DENND1A: variants seen among roughly 807,000 people sequenced by gnomAD.
The protein encoded by DENND1A is DENN domain containing 1A.
In DENND1A, 51 loss-of-function variants were observed where a neutral mutation model predicts 113.7. That is an observed-to-expected ratio of 0.45 (90% CI 0.36 to 0.57). The LOEUF (loss-of-function observed/expected upper bound fraction) is 0.57. Among genes scored for constraint, DENND1A ranks in the 20% least tolerant of loss-of-function variants. The pLI, the probability that DENND1A is intolerant of heterozygous loss-of-function variation, is 0.00. For missense variants in DENND1A, 1,258 were observed against 1,395.9 expected, an observed-to-expected ratio of 0.90 and a Z score of 1.57; for synonymous variants, 565 against 570.8, an observed-to-expected ratio of 0.99 and a Z score of 0.14.
chr9:123,560,488 AC>A (rs902360997), intron 12 of DENND1A, among the ~76,000 whole-genome samples: 1 of 152,054 alleles, frequency 6.6e-6, no homozygotes, highest in Admixed American at 6.5e-5. Flanking sequence ...GGAGTTCAAA[AC>A]CAGCCTGGGC....
At chr9:123,849,429 TG>T (rs1488115624) in intron 2 of DENND1A, among the ~76,000 whole-genome samples, 1 of 152,224 alleles carries the variant, frequency 6.6e-6, no homozygotes, top group African/African-American at 2.4e-5. Context: ...TTCTGGTTTT[TG>T]CCATTGAGTA....
At chr9:123,623,687 T>C (rs2061061425) in intron 10 of DENND1A, among the ~76,000 whole-genome samples, 1 of 152,262 alleles carries the variant, frequency 6.6e-6, no homozygotes, top group Non-Finnish European at 1.5e-5. Flanking sequence ...TATTTGTGAA[T>C]GCGCAATTGG....
intron 2 of DENND1A, among the ~76,000 whole-genome samples, chr9:123,826,326 C>A (rs1331823788): frequency 6.6e-6 from 1 of 152,104 alleles, no homozygotes; most frequent in Non-Finnish European, 1.5e-5. Flanking sequence ...TTGCTTGAGC[C>A]TGGGAGGTGG....
rs1429574320 is a variant in DENND1A at position 123,472,558 on chromosome 9, G to A, written c.994-14661C>T. Among the ~76,000 whole-genome samples the A allele has an allele frequency of 2.0e-5, 3 of 151,964 alleles. No homozygotes were observed. The East Asian group carries it at 5.8e-4, about 29-fold the overall frequency. On this transcript the variant is annotated intron_variant, in intron 13 of 23. Transcript: ENST00000394215. ...CAGCATGTCCGGTACACCCCGCCCAGCCCTGAACAGTGCCTCGAGTGTCCA... is the reference window on the plus strand; with the variant it reads ...CAGCATGTCCGGTACACCCCGCCCAACCCTGAACAGTGCCTCGAGTGTCCA...
chr9:123,679,619 T>C (rs2064312032), intron 5 of DENND1A, among the ~76,000 whole-genome samples: 1 of 152,202 alleles, frequency 6.6e-6, no homozygotes, highest in Non-Finnish European at 1.5e-5. Context: ...CCCAGCTGTC[T>C]TCTTCTTCAA....
At chr9:123,901,598 T>C (rs1323096883) in intron 1 of DENND1A, among the ~76,000 whole-genome samples, 1 of 152,218 alleles carries the variant, frequency 6.6e-6, no homozygotes, top group Non-Finnish European at 1.5e-5. Context: ...TTTTTAATCC[T>C]AGTTCTGCCA....
intron 10 of DENND1A, among the ~76,000 whole-genome samples, chr9:123,614,759 C>A (rs556928365): frequency 4.6e-5 from 7 of 152,190 alleles, no homozygotes; most frequent in Admixed American, 3.9e-4. Context: ...TAGGTATCCA[C>A]GTTACAATAT....
intron 5 of DENND1A, among the ~76,000 whole-genome samples, chr9:123,744,244 A>T (rs1319847132): frequency 6.6e-6 from 1 of 152,228 alleles, no homozygotes; most frequent in Non-Finnish European, 1.5e-5. Flanking sequence ...CATACTTTTT[A>T]CAAAATGGAG....
At chr9:123,635,565 A>G (rs1396657322) in intron 9 of DENND1A, among the ~76,000 whole-genome samples, 1 of 152,242 alleles carries the variant, frequency 6.6e-6, no homozygotes, top group Admixed American at 6.5e-5. Flanking sequence ...AATGACACAG[A>G]TATGCATTTG....
At chr9:123,533,671 G>C (rs1362884485) in intron 13 of DENND1A, among the ~76,000 whole-genome samples, 4 of 152,194 alleles carry the variant, frequency 2.6e-5, no homozygotes, top group African/African-American at 9.7e-5. Context: ...ACTACAGAGG[G>C]GGACCCATTG....
At chr9:123,682,442 A>C (rs1589650658) in intron 5 of DENND1A, among the ~76,000 whole-genome samples, 1 of 152,178 alleles carries the variant, frequency 6.6e-6, no homozygotes, top group African/African-American at 2.4e-5. Flanking sequence ...TCCATGTTGA[A>C]TACCTGAGGA....
chr9:123,457,484 G>A, intron 14 of DENND1A, 49 bp from the exon 15 acceptor site: 1 of 1,481,546 alleles, frequency 6.7e-7, no homozygotes, highest in African/African-American at 1.4e-5. Context: ...AAGAAAAGGG[G>A]GAAAAACCAT....
chr9:123,868,825 G>A (rs905880098), intron 2 of DENND1A, among the ~76,000 whole-genome samples: 1 of 152,164 alleles, frequency 6.6e-6, no homozygotes, highest in Non-Finnish European at 1.5e-5. Context: ...ATTAAGAAAA[G>A]AAAATATATG....
intron 1 of DENND1A, among the ~76,000 whole-genome samples, chr9:123,910,013 C>G (rs1479448836): frequency 1.3e-5 from 2 of 151,736 alleles, no homozygotes. Flanking sequence ...CTACAAAATG[C>G]TGCTGAAAAA....
intron 1 of DENND1A, among the ~76,000 whole-genome samples, chr9:123,899,698 C>A (rs962674726): frequency 1.9e-4 from 29 of 152,310 alleles, no homozygotes; most frequent in African/African-American, 6.7e-4. Flanking sequence ...TTGAGTACCA[C>A]TGAACTAATA....
At chr9:123,500,546 T>C (rs1362615700) in intron 13 of DENND1A, among the ~76,000 whole-genome samples, 1 of 152,238 alleles carries the variant, frequency 6.6e-6, no homozygotes, top group African/African-American at 2.4e-5. Flanking sequence ...ACATAACACC[T>C]GTGAAGCCTA....
chr9:123,794,207 G>T (rs747860166), intron 2 of DENND1A, among the ~76,000 whole-genome samples: 7 of 152,146 alleles, frequency 4.6e-5, no homozygotes, highest in Non-Finnish European at 1.0e-4. Flanking sequence ...AGAAGAATTC[G>T]CCAGCAGGAG....
At position 123,703,683 on chromosome 9, in the gene DENND1A, G is replaced by A. The variant is rs144499801; in HGVS notation, c.303-26894C>T. Among the ~76,000 whole-genome samples the A allele has an allele frequency of 4.2e-3, 634 of 152,114 alleles. 2 individuals are homozygous for A. The highest frequency in any genetic ancestry group is 9.1e-3 in the Admixed American group (139 of 15,274). ...CTTGAATGAATCTCAAAAATGCTAC[G>A]CTGAGCAAAAGAAGCTAGACACAAA... On this transcript the variant is annotated intron_variant, in intron 5 of 23. Coordinates refer to ENST00000394215, the MANE Select transcript of DENND1A (RefSeq NM_001352964.2).
chr9:123,451,438 C>T (rs1036000512), intron 17 of DENND1A, among the ~76,000 whole-genome samples: 4 of 152,266 alleles, frequency 2.6e-5, no homozygotes, highest in Non-Finnish European at 4.4e-5. Flanking sequence ...GATGAAGCAC[C>T]GGGAACAGAT....
Sources: gnomAD v4.1 joint callset for allele counts (sites outside exome capture counted in the v4.1 genomes callset) on GRCh38, gnomAD v4.1.1 for gene constraint, MANE v1.5 for transcripts, NCBI Gene and HGNC (gene_info 2026-07-23, HGNC 2026-07-21) for gene names.